The following BAZ1A variants were observed in gnomAD, a reference collection of about 807,000 sequenced individuals.
BAZ1A encodes bromodomain adjacent to zinc finger domain 1A, also known as bromodomain adjacent to zinc finger domain protein 1A.
BAZ1A carries 50 observed loss-of-function variants against 185.2 expected under a neutral mutation model. The observed-to-expected ratio is 0.27, with a 90% confidence interval of 0.22 to 0.34. BAZ1A has a LOEUF of 0.34. BAZ1A is among the 10% of genes least tolerant of loss of function. The pLI is 1.00. For synonymous variants in BAZ1A, 571 were observed against 615.6 expected (o/e 0.93, Z 1.07); for missense variants, 1,356 against 1,839.9 (o/e 0.74, Z 4.81).
chr14:34,772,148 G>T (rs921445914), intron 20 of BAZ1A, among the ~76,000 whole-genome samples: 2 of 151,948 alleles, frequency 1.3e-5, no homozygotes, highest in African/African-American at 2.4e-5. Flanking sequence ...TAGAGACGGG[G>T]TTTCACTATG....
At position 34,772,960 on chromosome 14, in the gene BAZ1A, G is replaced by A. The variant is rs376769012; in HGVS notation, c.3152+612C>T. ...GAAGAATTGCTTGAACCAGGGAGTA[G>A]GAGGTTGCAGTGAGCTGAGATTGTG... On this transcript the variant is annotated intron_variant, in intron 20 of 26. Coordinates refer to ENST00000360310, the MANE Select transcript of BAZ1A (RefSeq NM_013448.3). Among the ~76,000 whole-genome samples, 3 of 152,254 alleles carry A rather than the reference G, an allele frequency of 2.0e-5. No individual in the cohort carries two copies. In the East Asian group the frequency reaches 5.8e-4, roughly 29 times the overall value.
At chr14:34,809,160 C>T (rs1225512467) in intron 5 of BAZ1A, among the ~76,000 whole-genome samples, 1 of 152,110 alleles carries the variant, frequency 6.6e-6, no homozygotes, top group African/African-American at 2.4e-5. Context: ...AAATACTACA[C>T]CATTTTATGA....
At chr14:34,757,087 G>A (rs1010018952) in intron 25 of BAZ1A, among the ~76,000 whole-genome samples, 1 of 151,998 alleles carries the variant, frequency 6.6e-6, no homozygotes. Flanking sequence ...AGTCATGGCT[G>A]GGCACGGTGG....
At chr14:34,814,707 C>T (rs967966112) in intron 4 of BAZ1A, among the ~76,000 whole-genome samples, 2 of 151,746 alleles carry the variant, frequency 1.3e-5, no homozygotes, top group African/African-American at 4.8e-5. Flanking sequence ...AACTCCAGGG[C>T]TCAAGCAATG....
rs368815964 is a variant in BAZ1A, at chr14:34,784,367, CAAAAAAAA to C, written c.1832-448_1832-441del. On this transcript the variant is annotated intron_variant, in intron 14 of 26. Coordinates refer to ENST00000360310, the MANE Select transcript of BAZ1A (RefSeq NM_013448.3). ...TGGGCAACTGAGTGAGACTCTGTCTCAAAAAAAAAAAAAAAAAAAAAAAAAAAAGGCAA... is the reference window on the plus strand; with the variant it reads ...TGGGCAACTGAGTGAGACTCTGTCTCAAAAAAAAAAAAAAAAAAAAGGCAA... Among the ~76,000 whole-genome samples, 105 of 77,178 alleles carry C rather than the reference CAAAAAAAA, an allele frequency of 1.4e-3. 3 individuals are homozygous for C. The highest frequency in any genetic ancestry group is 0.012 in the East Asian group (28 of 2,248). 50.6% of individuals were successfully genotyped at this position (77,178 alleles called of 152,430 possible).
chr14:34,868,672 G>A (rs576610821), intron 2 of BAZ1A, among the ~76,000 whole-genome samples: 3 of 152,052 alleles, frequency 2.0e-5, no homozygotes, highest in Admixed American at 2.0e-4. Flanking sequence ...ACGGTGTCAG[G>A]AGCCTGTAAT....
At chr14:34,780,372 T>G in intron 16 of BAZ1A, 62 bp from the exon 17 acceptor site, 1 of 1,514,296 alleles carries the variant, frequency 6.6e-7, no homozygotes, top group Non-Finnish European at 8.9e-7. Context: ...TATGAAATAT[T>G]TATTGCTTGC....
intron 2 of BAZ1A, among the ~76,000 whole-genome samples, chr14:34,868,940 T>C (rs1253231167): frequency 6.6e-6 from 1 of 150,940 alleles, no homozygotes; most frequent in Non-Finnish European, 1.5e-5. Flanking sequence ...AATACATGTA[T>C]ATATATACAT....
At chr14:34,839,634 G>A (rs2042382046) in intron 3 of BAZ1A, among the ~76,000 whole-genome samples, 1 of 151,336 alleles carries the variant, frequency 6.6e-6, no homozygotes, top group Non-Finnish European at 1.5e-5. Flanking sequence ...ATGAGGTCAG[G>A]AGATCTAGAC....
intron 21 of BAZ1A, among the ~76,000 whole-genome samples, chr14:34,767,038 C>T (rs1416551322): frequency 2.0e-5 from 3 of 152,166 alleles, no homozygotes; most frequent in African/African-American, 7.2e-5. Context: ...GTGGATGGGT[C>T]AAATGGCTCT....
intron 6 of BAZ1A, 149 bp from the exon 7 acceptor site, chr14:34,803,137 T>C: frequency 8.6e-6 from 7 of 815,222 alleles, no homozygotes; most frequent in Non-Finnish European, 7.6e-6. Flanking sequence ...TCCCAGCACT[T>C]TGGGAGGCCG....
In BAZ1A at chr14:34,780,173, A is replaced by G; in HGVS notation, c.2236+13T>C. On this transcript the variant is annotated intron_variant, in intron 17 of 26. Transcript: ENST00000360310. ...AAATACACAAGAATGCCCTAAAGAA[A>G]TTTCAGTATTACCCCTTCTGCCTCT... 1 of 1,611,994 alleles carries G rather than the reference A, an allele frequency of 6.2e-7. No homozygotes were observed. The highest frequency in any genetic ancestry group is 8.5e-7 in the Non-Finnish European group (1 of 1,179,368).
chr14:34,780,214 GTCA>G lies in BAZ1A; in HGVS notation c.2205_2207del (p.Asp736del), dbSNP rs1165891038. ...TTCTGCCTCTTTTATGTGATCCTGG[GTCA>G]TCTTCATCTTCAGTGACCATATCTT... On this transcript the variant is annotated inframe_deletion, in exon 17 of 27. Coordinates refer to ENST00000360310, the MANE Select transcript of BAZ1A (RefSeq NM_013448.3). 6.2e-7 allele frequency: 1 copy of G among 1,613,464 alleles called. No individual in the cohort carries two copies. Among genetic ancestry groups the G allele is most frequent in the Admixed American group, 1.7e-5 (1 of 59,970 alleles).
intron 21 of BAZ1A, 71 bp from the exon 22 acceptor site, chr14:34,765,339 G>A: frequency 6.5e-7 from 1 of 1,545,244 alleles, no homozygotes; most frequent in African/African-American, 1.4e-5. Flanking sequence ...ATAGTTTGTT[G>A]GTAGTTTAAA....
At position 34,849,212 on chromosome 14, in the gene BAZ1A, C is replaced by G. The variant is rs370543645; in HGVS notation, c.392+12832G>C. The stretch of plus-strand genomic sequence containing the variant: ...GGCTGAAGCAGAAGGATTGCTTGAG[C>G]CTAGAAGTTCAAAGCTGCAGTGAGC... On this transcript the variant is annotated intron_variant, in intron 3 of 26. Transcript: ENST00000360310. Among the ~76,000 whole-genome samples the G allele has an allele frequency of 9.2e-5, 14 of 152,220 alleles. No homozygotes were observed. The East Asian group carries it at 2.1e-3, about 23-fold the overall frequency.
Position 34,800,407 on chromosome 14 carries a change from A to G in BAZ1A, c.962-17T>C, listed in dbSNP as rs1161290394. On this transcript the variant is annotated splice_polypyrimidine_tract_variant and intron_variant, in intron 8 of 26. Transcript: ENST00000360310. ...TTTCAAAAGCTGTGAAGAAAAATCA[A>G]ACTTAGAACTATATATATAGACAAA... 2.6e-6 allele frequency: 4 copies of G among 1,520,824 alleles called. No individual in the cohort carries two copies. Among genetic ancestry groups the G allele is most frequent in the Non-Finnish European group, 3.5e-6 (4 of 1,135,616 alleles). 94.2% of individuals were successfully genotyped at this position (1,520,824 alleles called of 1,614,324 possible).
At chr14:34,786,760 A>T (rs1880485044) in intron 12 of BAZ1A, among the ~76,000 whole-genome samples, 1 of 151,816 alleles carries the variant, frequency 6.6e-6, no homozygotes, top group Non-Finnish European at 1.5e-5. Context: ...GGCACCTGCC[A>T]CCACGCCCGG....
chr14:34,828,913 G>C (rs2042200321), intron 3 of BAZ1A, among the ~76,000 whole-genome samples: 1 of 152,146 alleles, frequency 6.6e-6, no homozygotes, highest in African/African-American at 2.4e-5. Flanking sequence ...CATAGTGATT[G>C]CCAAAGCAAG....
Position 34,759,180 on chromosome 14 carries a change from T to TG in BAZ1A, c.4244-335_4244-334insC, listed in dbSNP as rs1286831197. 1.0e-3 allele frequency among the ~76,000 whole-genome samples: 118 copies of TG among 116,300 alleles called. 1 individual carries two copies. Among genetic ancestry groups the TG allele is most frequent in the Non-Finnish European group, 1.6e-3 (97 of 59,076 alleles). 76.3% of individuals were successfully genotyped at this position (116,300 alleles called of 152,430 possible). The stretch of plus-strand genomic sequence containing the variant: ...ATACTTTACAGCTACAGTTTTTTTT[T>TG]TTTTTTTTTTTTTTTTTTGAGATGG... On this transcript the variant is annotated intron_variant, in intron 24 of 26. Transcript: ENST00000360310.
Sources: gnomAD v4.1 joint callset for allele counts (sites outside exome capture counted in the v4.1 genomes callset) on GRCh38, gnomAD v4.1.1 for gene constraint, MANE v1.5 for transcripts, NCBI Gene and HGNC (gene_info 2026-07-23, HGNC 2026-07-21) for gene names.